Variants in SMAD4 observed in about 807,000 individuals in gnomAD.
SMAD4 encodes SMAD family member 4, also known as MAD homolog 4.
A neutral mutation model predicts 63.2 loss-of-function variants in SMAD4; 7 were observed. The ratio of observed to expected loss-of-function variants is 0.11; its 90% CI spans 0.06 to 0.21. The LOEUF (loss-of-function observed/expected upper bound fraction) is 0.21, where lower values mean the gene tolerates loss of function less well. Ranked by LOEUF, SMAD4 falls within the 10% of genes least tolerant of loss-of-function variation. The pLI, the probability that SMAD4 is intolerant of heterozygous loss-of-function variation, is 1.00. For missense variants in SMAD4, 312 were observed against 693.8 expected (o/e 0.45, Z 6.18); for synonymous variants, 215 against 235.4 (o/e 0.91, Z 0.79).
rs1490474629 is a variant in SMAD4, at chr18:51,084,420, G to T, written c.*5953G>T. The T allele has an allele frequency of 4.4e-6, 1 of 225,558 alleles. No individual in the cohort carries two copies. The highest frequency in any genetic ancestry group is 2.2e-5 in the African/African-American group (1 of 44,706). The allele number at this position is 225,558 out of a possible 1,614,324, so 14.0% of individuals were successfully genotyped here. A position where few individuals can be genotyped will look rare whatever the true frequency, so the allele number is the denominator to read the frequency against. The stretch of plus-strand genomic sequence containing the variant: ...GTGACTTTTGGCTGGATCATTCAGA[G>T]CTCTCTTCTAGCCTACCCTTGGATG... On this transcript the variant is annotated 3_prime_UTR_variant, in exon 12 of 12. Coordinates refer to ENST00000342988, the MANE Select transcript of SMAD4 (RefSeq NM_005359.6).
chr18:51,036,645 T>C (rs1189441658), intron 1 of SMAD4, among the ~76,000 whole-genome samples: 5 of 152,224 alleles, frequency 3.3e-5, no homozygotes, highest in Admixed American at 3.3e-4. Flanking sequence ...TTTAATCAGT[T>C]GCATATACTC....
At chr18:51,043,452 A>G (rs878957232) in intron 1 of SMAD4, among the ~76,000 whole-genome samples, 16 of 152,226 alleles carry the variant, frequency 1.1e-4, no homozygotes, top group African/African-American at 3.9e-4. Flanking sequence ...TTTAATTAGA[A>G]TATATAATTT....
At chr18:51,061,980 C>G (rs572324311) in intron 8 of SMAD4, among the ~76,000 whole-genome samples, 17 of 152,168 alleles carry the variant, frequency 1.1e-4, no homozygotes, top group Non-Finnish European at 2.4e-4. Context: ...TGTAGAATTT[C>G]TAGATCAAAA....
At chr18:51,037,578 T>TA (rs1568200310) in intron 1 of SMAD4, among the ~76,000 whole-genome samples, 1 of 152,172 alleles carries the variant, frequency 6.6e-6, no homozygotes, top group Non-Finnish European at 1.5e-5. Flanking sequence ...GGTTTAATTT[T>TA]AAAAAAATCT....
intron 10 of SMAD4, among the ~76,000 whole-genome samples, chr18:51,072,681 A>G (rs1250403369): frequency 3.3e-5 from 5 of 152,212 alleles, no homozygotes; most frequent in Non-Finnish European, 7.4e-5. Flanking sequence ...AGTGATCTTT[A>G]TGAGACACAC....
chr18:51,070,565 A>G (rs754169897), intron 10 of SMAD4, among the ~76,000 whole-genome samples: 4 of 152,192 alleles, frequency 2.6e-5, no homozygotes, highest in Non-Finnish European at 4.4e-5. Flanking sequence ...TACAAGTACA[A>G]CCCCATCCAC....
At position 51,078,554 on chromosome 18, in the gene SMAD4, T is replaced by C. The variant is rs1449306211; in HGVS notation, c.*87T>C. On this transcript the variant is annotated 3_prime_UTR_variant, in exon 12 of 12. Coordinates refer to ENST00000342988, the MANE Select transcript of SMAD4 (RefSeq NM_005359.6). Reference sequence around the variant, plus strand: ...TTTATAATCTGAAGATATATTTCACTTTTGTTCTGCTTTATCTTTTCATAA... The same window carrying C: ...TTTATAATCTGAAGATATATTTCACCTTTGTTCTGCTTTATCTTTTCATAA... The C allele has an allele frequency of 4.1e-6, 4 of 965,700 alleles. No homozygotes were observed. The African/African-American group carries it at 6.5e-5, about 16-fold the overall frequency. The allele number at this position is 965,700 out of a possible 1,614,324, so 59.8% of individuals were successfully genotyped here.
At chr18:51,043,521 T>G (rs1909450119) in intron 1 of SMAD4, among the ~76,000 whole-genome samples, 1 of 152,220 alleles carries the variant, frequency 6.6e-6, no homozygotes, top group South Asian at 2.1e-4. Flanking sequence ...AACCATTTAA[T>G]GTAGGAATAC....
At chr18:51,034,804 C>G (rs1909157370) in intron 1 of SMAD4, among the ~76,000 whole-genome samples, 1 of 152,122 alleles carries the variant, frequency 6.6e-6, no homozygotes, top group African/African-American at 2.4e-5. Context: ...CCTCGACCTC[C>G]CAAAGTGCTG....
In SMAD4 at chr18:51,054,679, T is replaced by G. The variant is rs1909791539; in HGVS notation, c.455-102T>G. ...CTGAATTAAGGTTAGTAATTTACAC[T>G]GTAATTGATTTTAGGTGTTATTATA... On this transcript the variant is annotated intron_variant, in intron 4 of 11. Transcript: ENST00000342988. 9.3e-6 allele frequency: 7 copies of G among 754,658 alleles called. No homozygotes were observed. In the South Asian group the frequency reaches 9.5e-5, roughly 10 times the overall value. The allele number at this position is 754,658 out of a possible 1,614,324, so 46.7% of individuals were successfully genotyped here. A position where few individuals can be genotyped will look rare whatever the true frequency, so the allele number is the denominator to read the frequency against.
chr18:51,034,991 T>A (rs1169977969), intron 1 of SMAD4, among the ~76,000 whole-genome samples: 1 of 152,150 alleles, frequency 6.6e-6, no homozygotes, highest in South Asian at 2.1e-4. Flanking sequence ...GTCATTAGGG[T>A]CCTCTGACTT....
intron 11 of SMAD4, 101 bp downstream of exon 11, chr18:51,076,877 G>T: frequency 1.4e-5 from 12 of 881,468 alleles, no homozygotes; most frequent in Middle Eastern, 3.6e-4. Flanking sequence ...AGAAATTAAA[G>T]TTTTTTTTTA....
intron 5 of SMAD4, among the ~76,000 whole-genome samples, 169 bp downstream of exon 5, chr18:51,055,162 A>G (rs1909810530): frequency 6.6e-6 from 1 of 152,226 alleles, no homozygotes; most frequent in African/African-American, 2.4e-5. Context: ...CTTGGAATTT[A>G]AGTAATGGCT....
chr18:51,082,547 T>A lies in SMAD4; in HGVS notation c.*4080T>A, dbSNP rs1910635004. On this transcript the variant is annotated 3_prime_UTR_variant, in exon 12 of 12. Transcript: ENST00000342988. ...ATCCAGAATTGCCTTATTTAAGAAG[T>A]AAAACGTTTTAATTTTTAGCCTTTT... The A allele has an allele frequency of 4.4e-6, 1 of 228,320 alleles. No individual in the cohort carries two copies. Among genetic ancestry groups the A allele is most frequent in the Non-Finnish European group, 8.7e-6 (1 of 114,944 alleles). 14.1% of individuals were successfully genotyped at this position (228,320 alleles called of 1,614,324 possible).
In SMAD4 at chr18:51,058,324, G is replaced by A. The variant is rs2144428238; in HGVS notation, c.788-16G>A. 1 of 1,609,924 alleles carries A rather than the reference G, an allele frequency of 6.2e-7. No homozygotes were observed. Among genetic ancestry groups the A allele is most frequent in the East Asian group, 2.2e-5 (1 of 44,884 alleles). On this transcript the variant is annotated splice_polypyrimidine_tract_variant and intron_variant, in intron 6 of 11. Coordinates refer to ENST00000342988, the MANE Select transcript of SMAD4 (RefSeq NM_005359.6). ...TTTATAAAAGCAAATTAACCCATGT[G>A]GGCCTTAATTTTTAGACAGCACTAC...
At position 51,038,335 on chromosome 18, in the gene SMAD4, A is replaced by G. The variant is rs188923159; in HGVS notation, c.-128+7712A>G. On this transcript the variant is annotated intron_variant, in intron 1 of 11. Coordinates refer to ENST00000342988, the MANE Select transcript of SMAD4 (RefSeq NM_005359.6). ...GAACCAATATTTTCCCAAATGACCAATTCATGTTACAAAATCGTGCATGGG... is the reference window on the plus strand; with the variant it reads ...GAACCAATATTTTCCCAAATGACCAGTTCATGTTACAAAATCGTGCATGGG... Among the ~76,000 whole-genome samples, 809 of 152,242 alleles carry G rather than the reference A, an allele frequency of 5.3e-3. 4 individuals carry two copies. The highest frequency in any genetic ancestry group is 7.9e-3 in the African/African-American group (328 of 41,534).
chr18:51,076,940 C>CT, intron 11 of SMAD4, 164 bp downstream of exon 11: 1 of 569,630 alleles, frequency 1.8e-6, no homozygotes, highest in Non-Finnish European at 3.1e-6. Context: ...GTAATAGTTG[C>CT]TTTTTGCCTA....
intron 1 of SMAD4, chr18:51,045,152 A>G (rs892809588): frequency 1.3e-5 from 2 of 152,234 alleles, no homozygotes; most frequent in African/African-American, 4.8e-5. Flanking sequence ...TGTAACTGTA[A>G]CGGAATGTAG....
At chr18:51,038,070 C>G (rs142735521) in intron 1 of SMAD4, among the ~76,000 whole-genome samples, 40 of 152,150 alleles carry the variant, frequency 2.6e-4, no homozygotes, top group African/African-American at 9.2e-4. Context: ...GGGAGAATTG[C>G]TTTTGGCCAA....
Sources: allele counts gnomAD v4.1 joint callset (sites outside exome capture counted in the v4.1 genomes callset), GRCh38; gene constraint gnomAD v4.1.1; transcripts MANE v1.5; gene names NCBI Gene and HGNC (gene_info 2026-07-23, HGNC 2026-07-21).